Variants in TMEM255A observed in about 807,000 individuals in gnomAD.
TMEM255A encodes the protein transmembrane protein 255A, also known as family with sequence similarity 70, member A.
TMEM255A carries 14 observed loss-of-function variants against 23.5 expected under a neutral mutation model. The observed-to-expected ratio is 0.60, with a 90% CI of 0.39 to 0.93. TMEM255A has a LOEUF of 0.93. Ranked by LOEUF, TMEM255A falls within the 40% of genes least tolerant of loss-of-function variation. The probability of loss-of-function intolerance (pLI) is 0.00; values close to 1 mark genes in which losing one functional copy is unlikely to be tolerated. For synonymous variants in TMEM255A, 104 were observed against 100.3 expected (o/e 1.04, Z -0.22); for missense variants, 233 against 261.7 (o/e 0.89, Z 0.76).
chrX:120,297,231 C>T (rs1376594289), intron 2 of TMEM255A, among the ~76,000 whole-genome samples: 1 of 80,011 alleles, frequency 1.2e-5, no homozygotes, highest in Non-Finnish European at 2.3e-5. Flanking sequence ...GGCCCAATTC[C>T]TTAACCACTC....
chrX:120,279,518 T>C (rs1556020410), intron 6 of TMEM255A, among the ~76,000 whole-genome samples: 1 of 112,269 alleles, frequency 8.9e-6, no homozygotes, highest in Non-Finnish European at 1.9e-5. Context: ...AGTGTGGAAC[T>C]GCAGGAGCAC....
intron 7 of TMEM255A, among the ~76,000 whole-genome samples, chrX:120,270,286 AGT>A (rs1297728486): frequency 1.9e-5 from 2 of 107,924 alleles, no homozygotes; most frequent in African/African-American, 3.5e-5. Flanking sequence ...CACGTATAGG[AGT>A]GTGTGTTTGT....
At chrX:120,292,388 T>C (rs781822403) in intron 3 of TMEM255A, among the ~76,000 whole-genome samples, 8 of 111,227 alleles carry the variant, frequency 7.2e-5, no homozygotes, top group Non-Finnish European at 1.5e-4. Context: ...AGCACTTTTT[T>C]TCCCTGAGGT....
chrX:120,290,815 C>A (rs2057909744), intron 4 of TMEM255A, among the ~76,000 whole-genome samples: 1 of 111,726 alleles, frequency 9.0e-6, no homozygotes, highest in South Asian at 3.8e-4. Context: ...TCTTCAGATG[C>A]CATTTCATAG....
Position 120,262,285 on chromosome X carries a change from G to A in TMEM255A, c.820-1257C>T, listed in dbSNP as rs150315506. On this transcript the variant is annotated intron_variant, in intron 8 of 8. Transcript: ENST00000371369. ...AGCTTGGGTGACAGAGTGAGACTCCGTCTCGAAAATAAATAAATAAATAAA... is the reference window on the plus strand; with the variant it reads ...AGCTTGGGTGACAGAGTGAGACTCCATCTCGAAAATAAATAAATAAATAAA... Among the ~76,000 whole-genome samples the A allele has an allele frequency of 1.6e-3, 176 of 111,302 alleles. 2 individuals carry two copies. The highest frequency in any genetic ancestry group is 5.6e-3 in the African/African-American group (171 of 30,553).
chrX:120,285,284 A>G, intron 5 of TMEM255A, 69 bp from the exon 6 acceptor site: 3 of 926,941 alleles, frequency 3.2e-6, no homozygotes. Flanking sequence ...GGGATTGGAA[A>G]TGCGAGTTAG....
rs782468094 is a variant in TMEM255A at position 120,268,265 on chromosome X, T to A, written c.798A>T (p.Pro266=). The A allele has an allele frequency of 8.3e-6, 10 of 1,209,421 alleles. No homozygotes were observed. The highest frequency in any genetic ancestry group is 1.1e-5 in the Non-Finnish European group (10 of 894,373). The change falls in exon 8 of 9, where the codon CCA becomes CCT. Residue 266 remains proline (P), a synonymous_variant. Coordinates refer to ENST00000371369, the MANE Select transcript of TMEM255A (RefSeq NM_001104544.3). The part of the protein sequence containing the change: ...TYYHSPPHLP[P]YSAYDFQHSG... ...ATACCTGAAAGTCATAAGCAGAATA[T>A]GGTGGCAGGTGAGGAGGGCTATGGT...
At chrX:120,302,438 A>C (rs1291142718) in intron 2 of TMEM255A, among the ~76,000 whole-genome samples, 1 of 110,129 alleles carries the variant, frequency 9.1e-6, no homozygotes, top group African/African-American at 3.3e-5. Context: ...GACCCTATAA[A>C]TTGCTTTTCC....
chrX:120,295,969 A>G (rs1359647619), intron 2 of TMEM255A, among the ~76,000 whole-genome samples: 4 of 111,955 alleles, frequency 3.6e-5, no homozygotes, highest in South Asian at 3.7e-4. Context: ...ATTTTGTGCT[A>G]AGAGAATTTC....
intron 6 of TMEM255A, among the ~76,000 whole-genome samples, chrX:120,279,984 C>T (rs868927411): frequency 3.8e-4 from 27 of 70,537 alleles, no homozygotes; most frequent in South Asian, 7.1e-4. Flanking sequence ...TCCTTCTTTT[C>T]TTTCCTTTTC....
intron 7 of TMEM255A, chrX:120,273,095 T>G (rs2057773579): frequency 7.0e-6 from 1 of 141,896 alleles, no homozygotes; most frequent in Non-Finnish European, 1.4e-5. Context: ...TTACCTGGGT[T>G]ATCACATCAG....
chrX:120,253,661 C>T, downstream of TMEM255A: 10 of 1,211,748 alleles, frequency 8.3e-6, no homozygotes, highest in Non-Finnish European at 1.1e-5. Flanking sequence ...CAGAAATTCT[C>T]AATTATATCT....
downstream of TMEM255A, chrX:120,255,057 C>A: frequency 8.3e-7 from 1 of 1,211,621 alleles, no homozygotes; most frequent in South Asian, 1.8e-5. Context: ...CACAGGGGAG[C>A]GAAGGTATCA....
At chrX:120,268,222 T>A in intron 8 of TMEM255A, 22 bp downstream of exon 8, 6 of 1,198,763 alleles carry the variant, frequency 5.0e-6, no homozygotes, top group Non-Finnish European at 6.7e-6. Context: ...AATACAGAGT[T>A]CTTTTTTCTC....
intron 7 of TMEM255A, among the ~76,000 whole-genome samples, chrX:120,275,929 A>G (rs782208625): frequency 6.5e-5 from 7 of 107,873 alleles, no homozygotes; most frequent in African/African-American, 2.4e-4. Flanking sequence ...AGTAGCTGGG[A>G]CTACAGATAT....
At chrX:120,298,836 T>C (rs1189784147) in intron 2 of TMEM255A, among the ~76,000 whole-genome samples, 1 of 108,599 alleles carries the variant, frequency 9.2e-6, no homozygotes, top group African/African-American at 3.4e-5. Context: ...ATTTGAGACA[T>C]GTTTCTGCTG....
intron 6 of TMEM255A, among the ~76,000 whole-genome samples, chrX:120,281,529 T>C (rs2057837115): frequency 8.9e-6 from 1 of 112,548 alleles, no homozygotes; most frequent in Non-Finnish European, 1.9e-5. Flanking sequence ...GCATTCTGCA[T>C]ATACGTTTAA....
chrX:120,274,716 T>A (rs1556019433), intron 7 of TMEM255A, among the ~76,000 whole-genome samples: 1 of 112,081 alleles, frequency 8.9e-6, no homozygotes. Flanking sequence ...TATTCCTTTG[T>A]TTAATACACG....
intron 7 of TMEM255A, among the ~76,000 whole-genome samples, chrX:120,272,477 G>C (rs2057767790): frequency 1.8e-5 from 2 of 111,464 alleles, no homozygotes; most frequent in Non-Finnish European, 3.8e-5. Context: ...TTGAGGGAGA[G>C]ACCTGGTGGG....
Sources: allele counts gnomAD v4.1 joint callset (sites outside exome capture counted in the v4.1 genomes callset), GRCh38; gene constraint gnomAD v4.1.1; transcripts MANE v1.5; gene names NCBI Gene and HGNC (gene_info 2026-07-23, HGNC 2026-07-21).